The following TP63 variants were observed in gnomAD, a reference collection of about 807,000 sequenced individuals.
The protein encoded by TP63 is tumor protein 63.
Under a neutral mutation model 82.8 loss-of-function variants are expected in TP63, and 17 were observed. That is an observed-to-expected ratio of 0.21 (90% CI 0.14 to 0.31). The LOEUF (loss-of-function observed/expected upper bound fraction) is 0.31, where lower values mean the gene tolerates loss of function less well. TP63 is among the 10% of genes least tolerant of loss of function. TP63 has a pLI of 1.00. For missense variants in TP63, 648 were observed against 895.3 expected, an observed-to-expected ratio of 0.72 and a Z score of 3.52; for synonymous variants, 330 against 321.7, an observed-to-expected ratio of 1.03 and a Z score of -0.28.
At chr3:189,640,398 A>G (rs971558616) in intron 1 of TP63, among the ~76,000 whole-genome samples, 3 of 152,094 alleles carry the variant, frequency 2.0e-5, no homozygotes, top group Non-Finnish European at 4.4e-5. Context: ...TTAGTACCCT[A>G]TAGAGGCTGA....
chr3:189,846,430 C>T (rs899906110), intron 4 of TP63, among the ~76,000 whole-genome samples: 3 of 152,272 alleles, frequency 2.0e-5, no homozygotes, highest in Admixed American at 2.0e-4. Context: ...ACTGTCATGT[C>T]AGTATACAAG....
In TP63 at chr3:189,872,867, C is replaced by T. The variant is rs1403400799; in HGVS notation, c.1221C>T (p.Gly407=). The T allele has an allele frequency of 6.2e-7, 1 of 1,614,094 alleles. No homozygotes were observed. The highest frequency in any genetic ancestry group is 1.7e-5 in the Admixed American group (1 of 60,012). ...DDELLYLPVR[G]RETYEMLLKI... ...TCTGCTCACTTCCATAGGTGAGGGG[C>T]CGTGAGACTTATGAAATGCTGTTGA... Residue 407 remains glycine, a synonymous_variant, in exon 10 of 14, where the codon GGC becomes GGT. Coordinates refer to ENST00000264731, the MANE Select transcript of TP63 (RefSeq NM_003722.5).
In TP63 at chr3:189,889,422, C is replaced by T. The variant is rs373284695; in HGVS notation, c.1590C>T (p.Ser530=). ...CCCAGGCACTCCCTCCCCCACTCTC[C>T]ATGCCATCCACCTCCCACTGCACAC... ...SPTQALPPPL[S]MPSTSHCTPP... The change falls in exon 12 of 14, where the codon TCC becomes TCT. Residue 530 remains serine, a synonymous_variant. Coordinates refer to ENST00000264731, the MANE Select transcript of TP63 (RefSeq NM_003722.5). The T allele has an allele frequency of 1.9e-5, 31 of 1,614,140 alleles. No individual in the cohort carries two copies. Among genetic ancestry groups the T allele is most frequent in the Non-Finnish European group, 2.1e-5 (25 of 1,180,014 alleles).
At chr3:189,855,153 T>C (rs1716127562) in intron 4 of TP63, among the ~76,000 whole-genome samples, 1 of 152,172 alleles carries the variant, frequency 6.6e-6, no homozygotes, top group Non-Finnish European at 1.5e-5. Flanking sequence ...AGACTTAACG[T>C]GTTTCTGGAA....
At chr3:189,808,679 G>A (rs953882153) in intron 4 of TP63, among the ~76,000 whole-genome samples, 153 bp downstream of exon 4, 10 of 152,254 alleles carry the variant, frequency 6.6e-5, no homozygotes, top group Admixed American at 5.2e-4. Context: ...CAGAGAGAGA[G>A]AAAGTGCCAG....
At chr3:189,625,235 A>T in the TP63 span, among the ~76,000 whole-genome samples, 1 of 152,208 alleles carries the variant, frequency 6.6e-6, no homozygotes, top group African/African-American at 2.4e-5. Flanking sequence ...AATCTGAAAG[A>T]AGGCCTGGGG....
chr3:189,836,401 T>A (rs543553640), intron 4 of TP63, among the ~76,000 whole-genome samples: 143 of 152,178 alleles, frequency 9.4e-4, no homozygotes, highest in Non-Finnish European at 1.5e-3. Flanking sequence ...TTGTAGGCAG[T>A]ATTTCTGTGT....
intron 1 of TP63, among the ~76,000 whole-genome samples, chr3:189,695,243 A>G (rs938259934): frequency 6.6e-6 from 1 of 152,206 alleles, no homozygotes; most frequent in Non-Finnish European, 1.5e-5. Context: ...ATAATTAAAT[A>G]CTACTTTATT....
At chr3:189,865,031 A>T (rs1347429009) in intron 5 of TP63, among the ~76,000 whole-genome samples, 1 of 152,060 alleles carries the variant, frequency 6.6e-6, no homozygotes, top group Non-Finnish European at 1.5e-5. Flanking sequence ...AATGAAAAAA[A>T]AATAAGAGGG....
In TP63 at chr3:189,838,017, A is replaced by G. The variant is rs115596802; in HGVS notation, c.580-26215A>G. 3.0e-3 allele frequency among the ~76,000 whole-genome samples: 451 copies of G among 152,286 alleles called. 2 individuals are homozygous for G. The highest frequency in any genetic ancestry group is 0.01 in the African/African-American group (423 of 41,554). ...ATCTGGTAACCCCATTCCCAGCTCA[A>G]TCACCAACTCTCTAAGCAGAAGGAA... On this transcript the variant is annotated intron_variant, in intron 4 of 13. Transcript: ENST00000264731.
rs141401088 is a variant in TP63 at position 189,753,430 on chromosome 3, G to A, written c.324+14656G>A. Among the ~76,000 whole-genome samples, 760 of 151,768 alleles carry A rather than the reference G, an allele frequency of 5.0e-3. 7 individuals are homozygous for A. Among genetic ancestry groups the A allele is most frequent in the African/African-American group, 0.017 (725 of 41,450 alleles). ...TGATATCTGATAATTGCTTTTTTCC[G>A]AAGTCTACTTTAGTCTGTATTAATA... On this transcript the variant is annotated intron_variant, in intron 3 of 13. Coordinates refer to ENST00000264731, the MANE Select transcript of TP63 (RefSeq NM_003722.5).
intron 3 of TP63, among the ~76,000 whole-genome samples, chr3:189,762,913 G>A (rs1722684137): frequency 6.6e-6 from 1 of 152,134 alleles, no homozygotes; most frequent in South Asian, 2.1e-4. Context: ...AATATTGAGG[G>A]ATCGATAGAA....
At chr3:189,765,432 G>GTTTTTTTTTTTTTTTTTTT (rs1560167431) in intron 3 of TP63, among the ~76,000 whole-genome samples, 2 of 6,186 alleles carry the variant, frequency 3.2e-4, no homozygotes, top group Non-Finnish European at 7.4e-4. Flanking sequence ...CCTGTCCTCT[G>GTTTTTTTTTTTTTTTTTTT]CTTTTTTTTT....
At chr3:189,734,230 G>C (rs1405824004) in intron 1 of TP63, among the ~76,000 whole-genome samples, 1 of 136,144 alleles carries the variant, frequency 7.3e-6, no homozygotes, top group Non-Finnish European at 1.5e-5. Flanking sequence ...GGCATGCAGT[G>C]GCTCAATCTT....
intron 3 of TP63, among the ~76,000 whole-genome samples, chr3:189,743,938 A>T (rs1721184250): frequency 6.6e-6 from 1 of 152,122 alleles, no homozygotes; most frequent in Non-Finnish European, 1.5e-5. Flanking sequence ...TAACATAAGG[A>T]GCTGAAGACT....
At chr3:189,888,313 A>G (rs1169639645) in intron 11 of TP63, among the ~76,000 whole-genome samples, 1 of 152,232 alleles carries the variant, frequency 6.6e-6, no homozygotes, top group Non-Finnish European at 1.5e-5. Context: ...TTTGACATAA[A>G]AAGAGTAGAA....
intron 3 of TP63, among the ~76,000 whole-genome samples, chr3:189,759,078 T>C (rs927631765): frequency 2.6e-5 from 4 of 152,224 alleles, no homozygotes; most frequent in African/African-American, 9.7e-5. Flanking sequence ...ACCAATATAC[T>C]TGAGTTTAAA....
At chr3:189,852,359 T>G (rs1715747766) in intron 4 of TP63, among the ~76,000 whole-genome samples, 1 of 152,270 alleles carries the variant, frequency 6.6e-6, no homozygotes, top group Non-Finnish European at 1.5e-5. Flanking sequence ...TTCAATTGTC[T>G]GCTGAATATC....
At chr3:189,631,254 C>A, upstream of TP63, 1 of 985,330 alleles carries the variant, frequency 1.0e-6, no homozygotes, top group Non-Finnish European at 1.2e-6. Context: ...GGAAGAACAA[C>A]AGTAGAGAGG....
Sources: allele counts gnomAD v4.1 joint callset (sites outside exome capture counted in the v4.1 genomes callset), GRCh38; gene constraint gnomAD v4.1.1; transcripts MANE v1.5; gene names NCBI Gene and HGNC (gene_info 2026-07-23, HGNC 2026-07-21).